Variants in CSMD1 observed in about 807,000 individuals in gnomAD.
The protein encoded by CSMD1 is CUB and sushi domain-containing protein 1.
Under a neutral mutation model 417.5 loss-of-function variants are expected in CSMD1, and 213 were observed. That is an observed-to-expected ratio of 0.51 (90% CI 0.46 to 0.57). The LOEUF (loss-of-function observed/expected upper bound fraction) is 0.57, where lower values mean the gene tolerates loss of function less well. CSMD1 is among the 20% of genes least tolerant of loss of function. The probability of loss-of-function intolerance (pLI) is 0.00; values close to 1 mark genes in which losing one functional copy is unlikely to be tolerated. For missense variants in CSMD1, 6,923 were observed against 4,529.7 expected, an observed-to-expected ratio of 1.53 and a Z score of -15.17; for synonymous variants, 2,862 against 1,736.8, an observed-to-expected ratio of 1.65 and a Z score of -16.11.
intron 1 of CSMD1, among the ~76,000 whole-genome samples, chr8:4,932,532 G>T (rs1202738650): frequency 6.6e-6 from 1 of 152,134 alleles, no homozygotes; most frequent in Non-Finnish European, 1.5e-5. Context: ...TCACCTAGAA[G>T]CTAATAGAAA....
intron 5 of CSMD1, among the ~76,000 whole-genome samples, chr8:3,886,345 G>C (rs937588210): frequency 6.6e-6 from 1 of 152,206 alleles, no homozygotes; most frequent in Non-Finnish European, 1.5e-5. Context: ...CACTGTGCCA[G>C]GCCCATTATA....
intron 1 of CSMD1, among the ~76,000 whole-genome samples, chr8:4,976,451 A>G (rs1810565782): frequency 6.6e-6 from 1 of 152,216 alleles, no homozygotes; most frequent in Non-Finnish European, 1.5e-5. Flanking sequence ...AATTTTGACA[A>G]AAAATACAAA....
chr8:4,912,517 T>C (rs532621688), intron 1 of CSMD1, among the ~76,000 whole-genome samples: 1 of 152,308 alleles, frequency 6.6e-6, no homozygotes, highest in South Asian at 2.1e-4. Context: ...TCATGCCAGA[T>C]GCCCCATAAG....
intron 2 of CSMD1, among the ~76,000 whole-genome samples, chr8:4,607,970 A>G (rs1800970154): frequency 6.6e-6 from 1 of 152,154 alleles, no homozygotes; most frequent in Non-Finnish European, 1.5e-5. Context: ...GCCCACCTGT[A>G]TCAATGTTAT....
chr8:4,505,003 T>C (rs1802447790), intron 2 of CSMD1, among the ~76,000 whole-genome samples: 1 of 152,176 alleles, frequency 6.6e-6, no homozygotes, highest in Non-Finnish European at 1.5e-5. Context: ...TACCCAGTAA[T>C]GGGATTGCTG....
chr8:3,897,845 A>G (rs1431826278), intron 5 of CSMD1, among the ~76,000 whole-genome samples: 4 of 152,200 alleles, frequency 2.6e-5, no homozygotes, highest in African/African-American at 4.8e-5. Context: ...GCCTGAGGAT[A>G]TTAAAGTGCT....
chr8:4,053,176 A>G (rs1301211846), intron 3 of CSMD1, among the ~76,000 whole-genome samples: 1 of 152,158 alleles, frequency 6.6e-6, no homozygotes, highest in Non-Finnish European at 1.5e-5. Flanking sequence ...TACAGGTGCA[A>G]ATTTGAAGCC....
chr8:4,478,999 A>T (rs1298816214), intron 2 of CSMD1, among the ~76,000 whole-genome samples: 3 of 152,212 alleles, frequency 2.0e-5, no homozygotes, highest in African/African-American at 4.8e-5. Context: ...TAATTCCTAC[A>T]CTAAAACACT....
chr8:3,736,406 G>C (rs972486368), intron 6 of CSMD1, among the ~76,000 whole-genome samples: 1 of 150,890 alleles, frequency 6.6e-6, no homozygotes, highest in Non-Finnish European at 1.5e-5. Context: ...ACCATGCATG[G>C]CTAATGTAAA....
intron 3 of CSMD1, among the ~76,000 whole-genome samples, chr8:4,255,970 G>T (rs17069764): frequency 0.18 from 27,781 of 152,114 alleles, 3,195 homozygotes; most frequent in East Asian, 0.51. Context: ...TAAAGCTTTG[G>T]TGAAAATACG....
intron 18 of CSMD1, among the ~76,000 whole-genome samples, chr8:3,374,051 C>T (rs1374471408): frequency 6.6e-6 from 1 of 150,746 alleles, no homozygotes; most frequent in Non-Finnish European, 1.5e-5. Flanking sequence ...CTCCCGGGTT[C>T]AAGCAATTCT....
intron 6 of CSMD1, among the ~76,000 whole-genome samples, chr8:3,734,903 C>G (rs776405878): frequency 2.0e-5 from 3 of 152,162 alleles, no homozygotes; most frequent in Non-Finnish European, 2.9e-5. Context: ...TTTTCCGTTT[C>G]CAGTTAGAGA....
At chr8:4,066,354 G>C (rs1442310928) in intron 3 of CSMD1, among the ~76,000 whole-genome samples, 1 of 152,162 alleles carries the variant, frequency 6.6e-6, no homozygotes, top group African/African-American at 2.4e-5. Flanking sequence ...CATTGTATGT[G>C]TGTATTTCTA....
chr8:4,672,478 C>G (rs187710626), intron 1 of CSMD1, among the ~76,000 whole-genome samples: 1 of 152,136 alleles, frequency 6.6e-6, no homozygotes, highest in Admixed American at 6.5e-5. Context: ...GAGAATAATT[C>G]CTTTTATATT....
At chr8:4,069,901 G>C (rs1157494414) in intron 3 of CSMD1, among the ~76,000 whole-genome samples, 1 of 150,814 alleles carries the variant, frequency 6.6e-6, no homozygotes, top group East Asian at 2.0e-4. Flanking sequence ...GTTTTGTTTT[G>C]TTTTTGTTTT....
chr8:4,101,222 CT>C (rs1472392756), intron 3 of CSMD1, among the ~76,000 whole-genome samples: 3 of 152,142 alleles, frequency 2.0e-5, no homozygotes, highest in Admixed American at 6.5e-5. Context: ...CTTGGTTTTC[CT>C]TTTGTTTTTT....
intron 2 of CSMD1, among the ~76,000 whole-genome samples, chr8:4,622,097 T>C (rs1801813461): frequency 6.7e-6 from 1 of 148,448 alleles, no homozygotes; most frequent in Non-Finnish European, 1.5e-5. Flanking sequence ...GGAGACAAAA[T>C]CTCTCATCAG....
intron 3 of CSMD1, among the ~76,000 whole-genome samples, chr8:4,036,850 A>G (rs1797643163): frequency 6.6e-6 from 1 of 152,160 alleles, no homozygotes; most frequent in Non-Finnish European, 1.5e-5. Flanking sequence ...TGTTCTTACC[A>G]TCTCTGCATG....
At chr8:3,267,595 G>C (rs571379730) in intron 26 of CSMD1, among the ~76,000 whole-genome samples, 4 of 152,170 alleles carry the variant, frequency 2.6e-5, no homozygotes, top group Admixed American at 6.5e-5. Flanking sequence ...GAGACTTTGA[G>C]GATGGCATCG....
Sources: gnomAD v4.1 joint callset for allele counts (sites outside exome capture counted in the v4.1 genomes callset) on GRCh38, gnomAD v4.1.1 for gene constraint, MANE v1.5 for transcripts, NCBI Gene and HGNC (gene_info 2026-07-23, HGNC 2026-07-21) for gene names.